CSMD1: variants seen among roughly 807,000 people sequenced by gnomAD.
CSMD1 encodes the protein CUB and Sushi multiple domains 1.
CSMD1 carries 213 observed loss-of-function variants against 417.5 expected under a neutral mutation model. The observed-to-expected ratio is 0.51, with a 90% CI of 0.46 to 0.57. CSMD1 has a LOEUF of 0.57. Ranked by LOEUF, CSMD1 falls within the 20% of genes least tolerant of loss-of-function variation. The pLI, the probability that CSMD1 is intolerant of heterozygous loss-of-function variation, is 0.00. For synonymous variants in CSMD1, 2,862 were observed against 1,736.8 expected, an observed-to-expected ratio of 1.65 and a Z score of -16.11; for missense variants, 6,923 against 4,529.7, an observed-to-expected ratio of 1.53 and a Z score of -15.17.
intron 3 of CSMD1, among the ~76,000 whole-genome samples, chr8:4,290,875 T>C (rs113479222): frequency 8.9e-4 from 135 of 152,344 alleles, no homozygotes; most frequent in African/African-American, 3.1e-3. Context: ...TGACTCATCA[T>C]CCTTTACAAT....
intron 26 of CSMD1, among the ~76,000 whole-genome samples, chr8:3,279,746 C>A (rs912994742): frequency 6.6e-6 from 1 of 152,028 alleles, no homozygotes; most frequent in African/African-American, 2.4e-5. Flanking sequence ...AGCAAAGCAC[C>A]TTCTTTAGAG....
At chr8:2,960,242 T>C (rs573060596) in intron 62 of CSMD1, among the ~76,000 whole-genome samples, 2 of 152,304 alleles carry the variant, frequency 1.3e-5, no homozygotes, top group East Asian at 3.9e-4. Flanking sequence ...TGAGACATAA[T>C]AGAAAATGTG....
intron 3 of CSMD1, among the ~76,000 whole-genome samples, chr8:4,184,805 A>C (rs866087337): frequency 3.3e-5 from 5 of 151,988 alleles, no homozygotes; most frequent in Non-Finnish European, 7.4e-5. Flanking sequence ...AGGTTTACTT[A>C]TATAGGAAAC....
intron 12 of CSMD1, among the ~76,000 whole-genome samples, chr8:3,460,946 A>C (rs1255843442): frequency 2.0e-5 from 3 of 152,168 alleles, no homozygotes; most frequent in African/African-American, 7.2e-5. Context: ...TTTTGTTTCA[A>C]GGGATGTGGA....
At chr8:2,974,424 C>T (rs746416554) in intron 56 of CSMD1, 27 bp downstream of exon 56, 2 of 1,496,238 alleles carry the variant, frequency 1.3e-6, no homozygotes, top group Admixed American at 2.3e-5. Flanking sequence ...ATCTGTAATT[C>T]TGTCAGTTCA....
intron 2 of CSMD1, among the ~76,000 whole-genome samples, chr8:4,627,807 T>G (rs1163331778): frequency 6.6e-6 from 1 of 152,096 alleles, no homozygotes. Flanking sequence ...ATATGAATAG[T>G]ATAGGAATAG....
At chr8:4,412,406 C>G (rs1305829772) in intron 3 of CSMD1, among the ~76,000 whole-genome samples, 2 of 152,194 alleles carry the variant, frequency 1.3e-5, no homozygotes, top group South Asian at 4.1e-4. Flanking sequence ...TGCGCTGGCT[C>G]CTCCTTTGCC....
At chr8:3,925,238 C>T (rs1809566769) in intron 5 of CSMD1, among the ~76,000 whole-genome samples, 1 of 152,154 alleles carries the variant, frequency 6.6e-6, no homozygotes, top group Non-Finnish European at 1.5e-5. Context: ...TTTACAGCGA[C>T]CTATAAGTAA....
At chr8:3,187,754 G>A (rs1045994937) in intron 36 of CSMD1, 115 bp downstream of exon 36, 1 of 726,762 alleles carries the variant, frequency 1.4e-6, no homozygotes, top group Non-Finnish European at 2.4e-6. Flanking sequence ...CCATTATGGA[G>A]ATAGAAGAAT....
chr8:4,248,077 C>G (rs1234037468), intron 3 of CSMD1, among the ~76,000 whole-genome samples: 1 of 152,002 alleles, frequency 6.6e-6, no homozygotes, highest in Non-Finnish European at 1.5e-5. Flanking sequence ...TGTTAAGGAA[C>G]TTTCTTCTGA....
At chr8:4,167,250 T>C (rs528101983) in intron 3 of CSMD1, among the ~76,000 whole-genome samples, 1 of 152,268 alleles carries the variant, frequency 6.6e-6, no homozygotes, top group South Asian at 2.1e-4. Flanking sequence ...TCTTCGAAGG[T>C]GAGAAAAACA....
Position 2,998,190 on chromosome 8 carries a change from G to A in CSMD1, c.8204-6C>T, listed in dbSNP as rs561657740. 5.6e-6 allele frequency: 9 copies of A among 1,613,578 alleles called. No individual in the cohort carries two copies. Among genetic ancestry groups the A allele is most frequent in the Non-Finnish European group, 7.6e-6 (9 of 1,179,570 alleles). On this transcript the variant is annotated splice_polypyrimidine_tract_variant and splice_region_variant and intron_variant, in intron 53 of 69. Transcript: ENST00000635120. ...AGGGTGACCACATGTGATGGCTGTA[G>A]AGAGACAGGTCAACGTCATTGTTAA...
chr8:4,365,126 T>C (rs1042955171), intron 3 of CSMD1, among the ~76,000 whole-genome samples: 2 of 152,206 alleles, frequency 1.3e-5, no homozygotes, highest in Admixed American at 1.3e-4. Flanking sequence ...TGTAGACATA[T>C]AGTGAACTAA....
chr8:3,083,608 TTTTATATATATATATATATA>T (rs1262405271), intron 49 of CSMD1, among the ~76,000 whole-genome samples: 804 of 44,922 alleles, frequency 0.018, 57 homozygotes, highest in East Asian at 0.047. Flanking sequence ...TTACCATAAT[TTTTATATATATATATATATA>T]TATATATATA....
At chr8:3,363,613 C>T (rs1249031666) in intron 20 of CSMD1, among the ~76,000 whole-genome samples, 3 of 152,202 alleles carry the variant, frequency 2.0e-5, no homozygotes, top group South Asian at 2.1e-4. Flanking sequence ...CTGCAAGCTC[C>T]GCTTCCCGGG....
chr8:3,774,353 G>T (rs1982696), intron 5 of CSMD1, among the ~76,000 whole-genome samples: 49,015 of 151,908 alleles, frequency 0.32, 9,324 homozygotes, highest in Non-Finnish European at 0.43. Context: ...TCATATGGCG[G>T]TTGTTTGGAT....
intron 5 of CSMD1, among the ~76,000 whole-genome samples, chr8:3,962,692 G>A (rs749196870): frequency 9.2e-5 from 14 of 152,108 alleles, no homozygotes; most frequent in Non-Finnish European, 2.1e-4. Context: ...GGGGAGTGTG[G>A]TGCAGAGGTG....
intron 3 of CSMD1, among the ~76,000 whole-genome samples, chr8:4,314,658 T>C (rs576120010): frequency 6.6e-6 from 1 of 152,240 alleles, no homozygotes; most frequent in African/African-American, 2.4e-5. Context: ...TACATTACCA[T>C]TTGTGAGTTA....
chr8:4,307,337 A>T lies in CSMD1; in HGVS notation c.415+112616T>A, dbSNP rs192428514. Among the ~76,000 whole-genome samples, 3 of 152,314 alleles carry T rather than the reference A, an allele frequency of 2.0e-5. No homozygotes were observed. The East Asian group carries it at 5.8e-4, about 29-fold the overall frequency. ...ATCACACATGTCCACATTGAGGCTG[A>T]AAATGAGTCAGAGCAATGGGAGAGG... is the stretch of plus-strand genomic sequence containing the variant. On this transcript the variant is annotated intron_variant, in intron 3 of 69. Transcript: ENST00000635120.
Sources: allele counts gnomAD v4.1 joint callset (sites outside exome capture counted in the v4.1 genomes callset), GRCh38; gene constraint gnomAD v4.1.1; transcripts MANE v1.5; gene names NCBI Gene and HGNC (gene_info 2026-07-23, HGNC 2026-07-21).